Variants in PTPRM observed in about 807,000 individuals in gnomAD.
PTPRM encodes protein tyrosine phosphatase receptor type M.
In PTPRM, 47 loss-of-function variants were observed where a neutral mutation model predicts 186.7. The ratio of observed to expected loss-of-function variants is 0.25; its 90% CI spans 0.20 to 0.32. The LOEUF is 0.32. Ranked by LOEUF, PTPRM falls within the 10% of genes least tolerant of loss-of-function variation. The pLI is 1.00. For synonymous variants in PTPRM, 668 were observed against 674.9 expected (o/e 0.99, Z 0.16); for missense variants, 1,494 against 1,865.0 (o/e 0.80, Z 3.66).
At chr18:7,879,037 G>T (rs1386060408) in intron 2 of PTPRM, among the ~76,000 whole-genome samples, 1 of 152,158 alleles carries the variant, frequency 6.6e-6, no homozygotes, top group African/African-American at 2.4e-5. Context: ...CTCAGTGTTT[G>T]TTTTTTACTT....
intron 11 of PTPRM, among the ~76,000 whole-genome samples, chr18:8,104,258 G>C (rs1000996851): frequency 2.0e-5 from 3 of 152,172 alleles, no homozygotes; most frequent in African/African-American, 7.2e-5. Flanking sequence ...ATAATGTGAA[G>C]TGCCTTATTA....
chr18:7,764,986 G>T (rs1457659265), intron 1 of PTPRM, among the ~76,000 whole-genome samples: 1 of 152,154 alleles, frequency 6.6e-6, no homozygotes, highest in Non-Finnish European at 1.5e-5. Context: ...CATGCAAGTG[G>T]TTTAATTCAA....
chr18:8,043,037 C>T (rs377025306), intron 7 of PTPRM, among the ~76,000 whole-genome samples: 20 of 152,312 alleles, frequency 1.3e-4, no homozygotes, highest in African/African-American at 4.6e-4. Context: ...CAGCTGGGCA[C>T]ACTGGGCTCA....
Position 8,085,434 on chromosome 18 carries a change from G to A in PTPRM, c.1552-237G>A, listed in dbSNP as rs16952864. ...AACTTCAAAGTATTAGCTTAACCCC[G>A]AACTCATCCTGTATATTCTAATCTA... On this transcript the variant is annotated intron_variant, in intron 9 of 32. Transcript: ENST00000580170. 7.1e-3 allele frequency among the ~76,000 whole-genome samples: 1,081 copies of A among 152,112 alleles called. 53 individuals carry two copies. The East Asian group carries it at 0.15, about 21-fold the overall frequency.
At chr18:8,068,953 C>A (rs112654291) in intron 7 of PTPRM, among the ~76,000 whole-genome samples, 16,601 of 151,248 alleles carry the variant, frequency 0.11, 967 homozygotes, top group South Asian at 0.15. Context: ...CACACACACA[C>A]AAAAAAATTA....
intron 4 of PTPRM, among the ~76,000 whole-genome samples, chr18:7,926,132 G>C (rs1347556488): frequency 6.6e-6 from 1 of 152,094 alleles, no homozygotes. Context: ...CTGTGTACTT[G>C]GCTTGAAAAG....
intron 1 of PTPRM, among the ~76,000 whole-genome samples, chr18:7,747,888 A>G (rs1043877319): frequency 6.6e-6 from 1 of 152,182 alleles, no homozygotes; most frequent in African/African-American, 2.4e-5. Context: ...TGGCATTTCA[A>G]GGGGACCATT....
chr18:7,999,631 T>C (rs1298486090), intron 7 of PTPRM, among the ~76,000 whole-genome samples: 1 of 151,634 alleles, frequency 6.6e-6, no homozygotes, highest in Non-Finnish European at 1.5e-5. Context: ...TGGTGCAAAA[T>C]TGACAATGGC....
chr18:7,584,242 C>A (rs1292937145), intron 1 of PTPRM, among the ~76,000 whole-genome samples: 6 of 152,236 alleles, frequency 3.9e-5, no homozygotes, highest in African/African-American at 1.4e-4. Context: ...TGAATTCAGA[C>A]ATTTTATCAA....
intron 5 of PTPRM, among the ~76,000 whole-genome samples, chr18:7,932,843 G>T (rs1369016495): frequency 6.6e-6 from 1 of 152,126 alleles, no homozygotes; most frequent in African/African-American, 2.4e-5. Context: ...GAAATCAGAT[G>T]ATGTTACTGT....
chr18:8,381,928 A>G lies in PTPRM; in HGVS notation c.3918+1501A>G, dbSNP rs955590411. 3.3e-5 allele frequency among the ~76,000 whole-genome samples: 5 copies of G among 152,186 alleles called. No homozygotes were observed. In the East Asian group the frequency reaches 9.7e-4, roughly 29 times the overall value. ...AACAAGACATCAGTGATTCTAGTGCATTCTTTTTGAAAAACTGCATTGGAA... is the reference window on the plus strand; with the variant it reads ...AACAAGACATCAGTGATTCTAGTGCGTTCTTTTTGAAAAACTGCATTGGAA... On this transcript the variant is annotated intron_variant, in intron 29 of 32. Transcript: ENST00000580170.
At chr18:8,401,050 C>T (rs1258198211) in intron 32 of PTPRM, among the ~76,000 whole-genome samples, 1 of 151,972 alleles carries the variant, frequency 6.6e-6, no homozygotes, top group Non-Finnish European at 1.5e-5. Flanking sequence ...CTCTCCCCAC[C>T]CCCAGATTCC....
chr18:7,964,124 G>T (rs887594013), intron 7 of PTPRM, among the ~76,000 whole-genome samples: 3 of 152,152 alleles, frequency 2.0e-5, no homozygotes, highest in Non-Finnish European at 4.4e-5. Flanking sequence ...AATGTGGAGA[G>T]GTTATATTTT....
At chr18:8,187,085 G>A (rs775002527) in intron 14 of PTPRM, among the ~76,000 whole-genome samples, 13 of 152,000 alleles carry the variant, frequency 8.6e-5, no homozygotes, top group Admixed American at 5.9e-4. Context: ...GATTACAGGC[G>A]CATGCCACCA....
At chr18:7,973,463 A>C (rs2054712656) in intron 7 of PTPRM, among the ~76,000 whole-genome samples, 1 of 152,154 alleles carries the variant, frequency 6.6e-6, no homozygotes, top group African/African-American at 2.4e-5. Context: ...TCTTGTTTTA[A>C]TTCGCATTTC....
rs557766971 is a variant in PTPRM at position 8,372,056 on chromosome 18, C to CTTTTTTTTTTTTTTTTTTTTT, written c.3171+1056_3171+1076dup. ...TTGGCCTTCCTCTCCACTCTATATT[C>CTTTTTTTTTTTTTTTTTTTTT]TTTTTTTTTTTTTTTTTTTTTTTTT... On this transcript the variant is annotated intron_variant, in intron 24 of 32. Transcript: ENST00000580170. Among the ~76,000 whole-genome samples, 11 of 59,068 alleles carry CTTTTTTTTTTTTTTTTTTTTT rather than the reference C, an allele frequency of 1.9e-4. 4 individuals carry two copies. The highest frequency in any genetic ancestry group is 2.7e-4 in the Non-Finnish European group (7 of 26,310). The allele number at this position is 59,068 out of a possible 152,430, so 38.8% of individuals were successfully genotyped here.
chr18:7,702,775 A>G (rs1393022293), intron 1 of PTPRM, among the ~76,000 whole-genome samples: 4 of 152,280 alleles, frequency 2.6e-5, no homozygotes, highest in East Asian at 3.9e-4. Flanking sequence ...GCCCATGCCT[A>G]TGTCCTGAAT....
intron 19 of PTPRM, among the ~76,000 whole-genome samples, chr18:8,256,181 C>G (rs964890735): frequency 2.0e-5 from 3 of 152,126 alleles, no homozygotes; most frequent in African/African-American, 7.2e-5. Flanking sequence ...GTGTTGAGTG[C>G]TAACTGGTGT....
At chr18:7,989,961 T>C (rs568214998) in intron 7 of PTPRM, among the ~76,000 whole-genome samples, 1 of 152,230 alleles carries the variant, frequency 6.6e-6, no homozygotes, top group South Asian at 2.1e-4. Flanking sequence ...TGGAGTGCAA[T>C]GGCACGATTT....
Sources: allele counts gnomAD v4.1 joint callset (sites outside exome capture counted in the v4.1 genomes callset), GRCh38; gene constraint gnomAD v4.1.1; transcripts MANE v1.5; gene names NCBI Gene and HGNC (gene_info 2026-07-23, HGNC 2026-07-21).